The following ZNF343 variants were observed in gnomAD, a reference collection of about 807,000 sequenced individuals.
ZNF343 encodes the protein zinc finger protein 343.
Under a neutral mutation model 13.8 loss-of-function variants are expected in ZNF343, and 11 were observed. The observed-to-expected ratio is 0.80, with a 90% confidence interval of 0.50 to 1.32. The LOEUF is 1.32. ZNF343 is among the 40% of genes most tolerant of loss of function. The pLI, the probability that ZNF343 is intolerant of heterozygous loss-of-function variation, is 0.00. For synonymous variants in ZNF343, 248 were observed against 260.0 expected, an observed-to-expected ratio of 0.95 and a Z score of 0.44; for missense variants, 658 against 714.2, an observed-to-expected ratio of 0.92 and a Z score of 0.90.
intron 2 of ZNF343, among the ~76,000 whole-genome samples, chr20:2,499,328 AGT>A (rs1568484776): frequency 2.4e-5 from 3 of 126,356 alleles, no homozygotes; most frequent in African/African-American, 8.5e-5. Flanking sequence ...AGCCGGGCGT[AGT>A]GGCGGGCACC....
chr20:2,517,876 T>C (rs1450135840), intron 1 of ZNF343, among the ~76,000 whole-genome samples: 2 of 152,034 alleles, frequency 1.3e-5, no homozygotes, highest in East Asian at 1.9e-4. Context: ...TAATAAAAGA[T>C]GAGAAACACA....
intron 5 of ZNF343, 143 bp from the exon 6 acceptor site, chr20:2,484,799 T>C: frequency 1.4e-6 from 1 of 702,002 alleles, no homozygotes; most frequent in Non-Finnish European, 2.2e-6. Context: ...GAACAATGAT[T>C]CCTTTACATT....
chr20:2,494,807 G>A (rs1461021574), intron 2 of ZNF343, among the ~76,000 whole-genome samples: 1 of 151,698 alleles, frequency 6.6e-6, no homozygotes, highest in Non-Finnish European at 1.5e-5. Context: ...CCTGTATTGT[G>A]AGGAGTTTAG....
upstream of ZNF343, among the ~76,000 whole-genome samples, chr20:2,512,086 T>C (rs1424115968): frequency 6.6e-6 from 1 of 152,164 alleles, no homozygotes; most frequent in Non-Finnish European, 1.5e-5. Context: ...TCAAAAAGAA[T>C]AACATATTTA....
In ZNF343 at chr20:2,493,890, C is replaced by T. The variant is rs745823385; in HGVS notation, c.6G>A (p.Met2Ile). 5.0e-6 allele frequency: 8 copies of T among 1,609,962 alleles called. No homozygotes were observed. Among genetic ancestry groups the T allele is most frequent in the African/African-American group, 1.3e-5 (1 of 74,822 alleles). ...CTCCCAGTGCTGAAGGATAAGGCAA[C>T]ATCATGGCGCCAGAGTCAGCCCAGT... The part of the protein sequence containing the change: M[M>I]LPYPSALGDQ... The change falls in exon 3 of 6, where the codon ATG (methionine) becomes ATA (isoleucine). Residue 2 changes from methionine to isoleucine, a missense_variant. Met to Ile is a conservative substitution (Grantham distance 10). Transcript: ENST00000278772.
chr20:2,503,349 C>A (rs1035318247), intron 1 of ZNF343, among the ~76,000 whole-genome samples: 2 of 152,154 alleles, frequency 1.3e-5, no homozygotes, highest in African/African-American at 4.8e-5. Flanking sequence ...GACTCCCACA[C>A]AATAATAATG....
chr20:2,489,031 G>A (rs1025976397), intron 5 of ZNF343, among the ~76,000 whole-genome samples: 36 of 152,144 alleles, frequency 2.4e-4, no homozygotes, highest in African/African-American at 4.6e-4. Flanking sequence ...GATGACAGAC[G>A]TGAGACCCTG....
chr20:2,523,142 A>C (rs762103425), intron 1 of ZNF343, among the ~76,000 whole-genome samples: 2 of 152,208 alleles, frequency 1.3e-5, no homozygotes, highest in Non-Finnish European at 2.9e-5. Flanking sequence ...CACTAATTAT[A>C]ATTCATTAGC....
At chr20:2,522,870 G>C (rs2085788485) in intron 1 of ZNF343, among the ~76,000 whole-genome samples, 1 of 152,216 alleles carries the variant, frequency 6.6e-6, no homozygotes. Flanking sequence ...AGGATCGCTT[G>C]AGCCTGGGAG....
intron 2 of ZNF343, among the ~76,000 whole-genome samples, chr20:2,496,742 T>C (rs1251469641): frequency 6.6e-6 from 1 of 151,966 alleles, no homozygotes; most frequent in Non-Finnish European, 1.5e-5. Flanking sequence ...GAAAAAAAAA[T>C]CAAAGACAAT....
At chr20:2,516,417 G>A (rs774230721) in intron 1 of ZNF343, among the ~76,000 whole-genome samples, 1 of 152,118 alleles carries the variant, frequency 6.6e-6, no homozygotes, top group Non-Finnish European at 1.5e-5. Context: ...CTGAGGGTGA[G>A]GGTTAGTGTT....
intron 4 of ZNF343, 76 bp downstream of exon 4, chr20:2,493,443 G>A (rs2085399656): frequency 2.1e-6 from 3 of 1,401,388 alleles, no homozygotes; most frequent in Non-Finnish European, 3.0e-6. Context: ...CCTTTCCCAA[G>A]AAAGAGAATA....
At chr20:2,507,775 G>A (rs1284819142) in intron 1 of ZNF343, among the ~76,000 whole-genome samples, 8 of 152,190 alleles carry the variant, frequency 5.3e-5, no homozygotes, top group Admixed American at 4.6e-4. Flanking sequence ...TGACAGGTCC[G>A]TGGCAGTTCA....
chr20:2,506,305 G>A (rs2085655282), intron 1 of ZNF343, among the ~76,000 whole-genome samples: 1 of 152,122 alleles, frequency 6.6e-6, no homozygotes, highest in African/African-American at 2.4e-5. Context: ...ACAGGTGCTG[G>A]AGAGGATGTG....
At chr20:2,514,807 C>T (rs1223074635) in intron 1 of ZNF343, among the ~76,000 whole-genome samples, 1 of 151,882 alleles carries the variant, frequency 6.6e-6, no homozygotes, top group South Asian at 2.1e-4. Context: ...TATGGCGAAA[C>T]CCCATCTCTA....
intron 5 of ZNF343, among the ~76,000 whole-genome samples, chr20:2,487,912 T>C (rs914083763): frequency 2.0e-5 from 3 of 152,242 alleles, no homozygotes; most frequent in Admixed American, 6.5e-5. Flanking sequence ...AGAAGTGAAG[T>C]TGAACACCTT....
chr20:2,513,279 C>T (rs957049409), upstream of ZNF343, among the ~76,000 whole-genome samples: 2 of 152,000 alleles, frequency 1.3e-5, no homozygotes, highest in African/African-American at 4.8e-5. Flanking sequence ...AGACTAACAA[C>T]CCAATTTTAA....
intron 1 of ZNF343, among the ~76,000 whole-genome samples, chr20:2,506,737 T>C (rs950147523): frequency 1.9e-4 from 29 of 152,060 alleles, no homozygotes; most frequent in African/African-American, 5.5e-4. Context: ...TAGGTGGGAA[T>C]TGAACAATGA....
intron 1 of ZNF343, among the ~76,000 whole-genome samples, chr20:2,507,366 G>T (rs1406931257): frequency 6.6e-6 from 1 of 151,804 alleles, no homozygotes; most frequent in Non-Finnish European, 1.5e-5. Flanking sequence ...CTAGGGGACA[G>T]AACCATGTGG....
Sources: gnomAD v4.1 joint callset for allele counts (sites outside exome capture counted in the v4.1 genomes callset) on GRCh38, gnomAD v4.1.1 for gene constraint, MANE v1.5 for transcripts, NCBI Gene and HGNC (gene_info 2026-07-23, HGNC 2026-07-21) for gene names.